PID1: variants seen among roughly 807,000 people sequenced by gnomAD.
PID1 encodes phosphotyrosine interaction domain containing 1, also known as PTB-containing, cubilin and LRP1-interacting protein.
Under a neutral mutation model 19.1 loss-of-function variants are expected in PID1, and 10 were observed. The observed-to-expected ratio is 0.52, with a 90% CI of 0.32 to 0.89. PID1 has a LOEUF of 0.89. PID1 is among the 40% of genes least tolerant of loss of function. The probability of loss-of-function intolerance (pLI) is 0.03; values close to 1 mark genes in which losing one functional copy is unlikely to be tolerated. For synonymous variants in PID1, 130 were observed against 116.0 expected (o/e 1.12, Z -0.78); for missense variants, 248 against 285.3 (o/e 0.87, Z 0.94).
intron 2 of PID1, among the ~76,000 whole-genome samples, chr2:229,127,895 G>A (rs1177073277): frequency 1.3e-5 from 2 of 152,194 alleles, no homozygotes; most frequent in Non-Finnish European, 2.9e-5. Context: ...CTCTCAGGCA[G>A]TGCTGGGAAA....
At chr2:229,057,742 TTTG>T (rs1213637895) in intron 2 of PID1, among the ~76,000 whole-genome samples, 1 of 152,208 alleles carries the variant, frequency 6.6e-6, no homozygotes, top group Non-Finnish European at 1.5e-5. Context: ...AGTGTGGGTT[TTTG>T]TTTCAACTTT....
At chr2:229,160,535 C>T (rs1690471542) in intron 1 of PID1, among the ~76,000 whole-genome samples, 1 of 152,100 alleles carries the variant, frequency 6.6e-6, no homozygotes, top group Admixed American at 6.5e-5. Flanking sequence ...TCCCTGAACA[C>T]CTATATGCAG....
intron 2 of PID1, among the ~76,000 whole-genome samples, chr2:229,119,992 G>A (rs535375094): frequency 1.8e-4 from 28 of 152,220 alleles, no homozygotes; most frequent in African/African-American, 5.3e-4. Context: ...ATACCATCAC[G>A]TCTCTGGCTC....
chr2:229,121,910 G>A (rs1413442427), intron 2 of PID1, among the ~76,000 whole-genome samples: 2 of 152,098 alleles, frequency 1.3e-5, no homozygotes, highest in Non-Finnish European at 2.9e-5. Flanking sequence ...TGGCTATAAA[G>A]AAAATCAAAG....
chr2:229,080,956 C>A (rs531727824), intron 2 of PID1, among the ~76,000 whole-genome samples: 2 of 152,330 alleles, frequency 1.3e-5, no homozygotes, highest in African/African-American at 4.8e-5. Context: ...ACCTTCCTGT[C>A]CAGCCTCAAA....
chr2:229,055,851 C>T (rs866983308), intron 2 of PID1, among the ~76,000 whole-genome samples: 9 of 152,146 alleles, frequency 5.9e-5, no homozygotes, highest in Non-Finnish European at 8.8e-5. Context: ...TTCCAAAGCA[C>T]GTCCACATAG....
At chr2:229,262,604 G>C (rs1389563880) in intron 1 of PID1, 1 of 1,506,124 alleles carries the variant, frequency 6.6e-7, no homozygotes, top group East Asian at 2.5e-5. Flanking sequence ...GGTTTCACTG[G>C]TGTAGTAGCT....
intron 1 of PID1, among the ~76,000 whole-genome samples, chr2:229,240,301 A>G (rs1689838647): frequency 6.6e-6 from 1 of 152,076 alleles, no homozygotes; most frequent in Non-Finnish European, 1.5e-5. Flanking sequence ...TGAATAAAGG[A>G]TTTATGGTCA....
chr2:229,089,579 C>T (rs913912386), intron 2 of PID1, among the ~76,000 whole-genome samples: 1 of 152,238 alleles, frequency 6.6e-6, no homozygotes, highest in South Asian at 2.1e-4. Flanking sequence ...GATCTTTCCT[C>T]GCAGATTTCA....
At chr2:229,262,105 C>T (rs1395205216) in intron 1 of PID1, among the ~76,000 whole-genome samples, 4 of 152,186 alleles carry the variant, frequency 2.6e-5, no homozygotes, top group Non-Finnish European at 5.9e-5. Context: ...AGAGGCAAAT[C>T]ACAGAGGCTG....
intron 2 of PID1, among the ~76,000 whole-genome samples, chr2:229,150,853 C>CTTTT (rs35107592): frequency 7.3e-6 from 1 of 137,478 alleles, no homozygotes; most frequent in African/African-American, 2.7e-5. Context: ...TGTAGAGTGC[C>CTTTT]TTTTTTTTTT....
chr2:229,201,618 T>C (rs1176023103), intron 1 of PID1, among the ~76,000 whole-genome samples: 2 of 152,096 alleles, frequency 1.3e-5, no homozygotes, highest in Non-Finnish European at 2.9e-5. Flanking sequence ...AGATCCAGCT[T>C]TCGATTCTTT....
intron 2 of PID1, among the ~76,000 whole-genome samples, chr2:229,153,110 G>A (rs1690291273): frequency 6.6e-6 from 1 of 152,004 alleles, no homozygotes; most frequent in Non-Finnish European, 1.5e-5. Flanking sequence ...AAAAAATTGG[G>A]GAAGATCTAA....
At chr2:229,158,070 C>T (rs1690418178) in intron 1 of PID1, among the ~76,000 whole-genome samples, 1 of 152,160 alleles carries the variant, frequency 6.6e-6, no homozygotes, top group Non-Finnish European at 1.5e-5. Context: ...TTTCTATGAT[C>T]CCACCCTTAC....
chr2:229,131,665 G>A (rs1272178825), intron 2 of PID1, among the ~76,000 whole-genome samples: 5 of 152,118 alleles, frequency 3.3e-5, no homozygotes, highest in African/African-American at 1.2e-4. Context: ...TGTTCCAAAA[G>A]TCATCATCAA....
In PID1 at chr2:229,064,503, T is replaced by A. The variant is rs142750491; in HGVS notation, c.178-38395A>T. ...TGAGCTGCATAGACATTATTGTTTT[T>A]CAAGAAATGTTTTGAACAACAGTAA... On this transcript the variant is annotated intron_variant, in intron 2 of 2. Coordinates refer to ENST00000392055, the MANE Select transcript of PID1 (RefSeq NM_001100818.2). Among the ~76,000 whole-genome samples, 1,522 of 152,278 alleles carry A rather than the reference T, an allele frequency of 1.0e-2. 28 individuals carry two copies. Among genetic ancestry groups the A allele is most frequent in the African/African-American group, 0.034 (1,414 of 41,546 alleles).
intron 1 of PID1, among the ~76,000 whole-genome samples, chr2:229,245,871 C>T (rs567485952): frequency 6.6e-6 from 1 of 152,190 alleles, no homozygotes. Context: ...TCCCATTATA[C>T]CACGTTCACT....
chr2:229,246,298 T>C (rs1479639121), intron 1 of PID1, among the ~76,000 whole-genome samples: 1 of 152,154 alleles, frequency 6.6e-6, no homozygotes, highest in Non-Finnish European at 1.5e-5. Flanking sequence ...ATAACATAAC[T>C]ATGAAATTAT....
At chr2:229,264,650 T>C (rs1690546107) in intron 1 of PID1, among the ~76,000 whole-genome samples, 1 of 152,210 alleles carries the variant, frequency 6.6e-6, no homozygotes, top group African/African-American at 2.4e-5. Context: ...AAGTGGACAG[T>C]GAGCAGGTCA....
Sources: allele counts gnomAD v4.1 joint callset (sites outside exome capture counted in the v4.1 genomes callset), GRCh38; gene constraint gnomAD v4.1.1; transcripts MANE v1.5; gene names NCBI Gene and HGNC (gene_info 2026-07-23, HGNC 2026-07-21).